The following CELF2 variants were observed in gnomAD, a reference collection of about 807,000 sequenced individuals.
The protein encoded by CELF2 is CUG triplet repeat RNA-binding protein 2.
A neutral mutation model predicts 62.6 loss-of-function variants in CELF2; 8 were observed. That is an observed-to-expected ratio of 0.13 (90% CI 0.07 to 0.23). The LOEUF (loss-of-function observed/expected upper bound fraction) is 0.23. Among genes scored for constraint, CELF2 ranks in the 10% least tolerant of loss-of-function variants. The pLI, the probability that CELF2 is intolerant of heterozygous loss-of-function variation, is 1.00. For synonymous variants in CELF2, 258 were observed against 250.0 expected, an observed-to-expected ratio of 1.03 and a Z score of -0.30; for missense variants, 333 against 671.0, an observed-to-expected ratio of 0.50 and a Z score of 5.56.
At chr10:10,549,158 T>C in the CELF2 span, among the ~76,000 whole-genome samples, 1 of 152,204 alleles carries the variant, frequency 6.6e-6, no homozygotes, top group South Asian at 2.1e-4. Flanking sequence ...TGTGGTAAAC[T>C]AGTTTGCTTG....
In CELF2 at chr10:11,280,977, C is replaced by T. The variant is rs917483543; in HGVS notation, c.841+5857C>T. On this transcript the variant is annotated intron_variant, in intron 8 of 12. Transcript: ENST00000633077. This position sits in a 1 kb window ranked among gnomAD's most constrained non-coding sequence, Gnocchi z 7.6. ...TGCTTCTGATGCTGGCGTGCGTGTG[C>T]ATGCCTGTGTGCGTGTGTGTGTGTG... Among the ~76,000 whole-genome samples the T allele has an allele frequency of 8.8e-5, 12 of 135,666 alleles. No individual in the cohort carries two copies. The highest frequency in any genetic ancestry group is 3.3e-4 in the African/African-American group (11 of 33,490). 89.0% of individuals were successfully genotyped at this position (135,666 alleles called of 152,430 possible).
the CELF2 span, among the ~76,000 whole-genome samples, chr10:10,561,634 G>A: frequency 6.6e-6 from 1 of 152,162 alleles, no homozygotes; most frequent in African/African-American, 2.4e-5. Flanking sequence ...TGGGACAGAT[G>A]GGGACAACAC....
chr10:10,723,801 A>G, the CELF2 span, among the ~76,000 whole-genome samples: 3 of 152,212 alleles, frequency 2.0e-5, no homozygotes, highest in African/African-American at 7.2e-5. Context: ...GCATTTTGAA[A>G]ATGATTTGTG....
At position 10,997,504 on chromosome 10, in the gene CELF2, C is replaced by CT. The variant is rs2054081501; in HGVS notation, c.89+77505_89+77506insT. Among the ~76,000 whole-genome samples the CT allele has an allele frequency of 1.3e-5, 2 of 152,074 alleles. No individual in the cohort carries two copies. Reference sequence around the variant, plus strand: ...TTGTGTGGTTTACTTCTTAGGATTCCCTAGAATCAAAACCACTAGGAAAGG... The same window carrying CT: ...TTGTGTGGTTTACTTCTTAGGATTCCTCTAGAATCAAAACCACTAGGAAAGG... On this transcript the variant is annotated intron_variant, in intron 2 of 13. Coordinates refer to the CELF2 transcript ENST00000636488. The surrounding 1 kb of genome is among the most constrained non-coding windows in gnomAD (Gnocchi z 5.3).
the CELF2 span, among the ~76,000 whole-genome samples, chr10:10,508,704 G>GTA: frequency 0.017 from 1,012 of 60,864 alleles, 10 homozygotes; most frequent in South Asian, 0.1. Context: ...GTGTGTGTGT[G>GTA]TATATTTTTT....
intron 3 of CELF2, among the ~76,000 whole-genome samples, chr10:11,240,811 A>C (rs1044640576): frequency 1.3e-5 from 2 of 152,196 alleles, no homozygotes; most frequent in Admixed American, 1.3e-4. Flanking sequence ...GTAGCGTGGA[A>C]GAGGGAAATT....
intron 2 of CELF2, among the ~76,000 whole-genome samples, chr10:11,212,679 G>A (rs370713035): frequency 3.7e-4 from 56 of 151,276 alleles, no homozygotes; most frequent in East Asian, 1.7e-3. Flanking sequence ...GTGAGGAGTC[G>A]TGGGAGGTGC....
chr10:10,774,559 C>G, the CELF2 span, among the ~76,000 whole-genome samples: 1 of 152,204 alleles, frequency 6.6e-6, no homozygotes, highest in African/African-American at 2.4e-5. Flanking sequence ...GCTCTCGCTC[C>G]TGCCATGTGA....
At chr10:11,122,634 C>T (rs1431680067) in intron 1 of CELF2, among the ~76,000 whole-genome samples, 1 of 152,176 alleles carries the variant, frequency 6.6e-6, no homozygotes, top group East Asian at 1.9e-4. Flanking sequence ...GTTCCTTTCC[C>T]CCTCCTTTTA....
At chr10:10,758,128 G>T in the CELF2 span, among the ~76,000 whole-genome samples, 1 of 152,212 alleles carries the variant, frequency 6.6e-6, no homozygotes, top group Admixed American at 6.5e-5. Flanking sequence ...TGTGTTGAGA[G>T]ATTTCAAATT....
the CELF2 span, among the ~76,000 whole-genome samples, chr10:10,753,297 C>CTGTGTGTGTGTGTG: frequency 1.4e-4 from 9 of 66,538 alleles, no homozygotes; most frequent in African/African-American, 4.9e-4. Flanking sequence ...ATTTCCAAAG[C>CTGTGTGTGTGTGTG]TCTGTGTGTG....
chr10:10,891,530 C>T (rs1403256846), intron 1 of CELF2, among the ~76,000 whole-genome samples: 2 of 151,786 alleles, frequency 1.3e-5, no homozygotes, highest in South Asian at 2.1e-4. Flanking sequence ...CTTGCAACAA[C>T]CCTGAGAGGT....
the CELF2 span, among the ~76,000 whole-genome samples, chr10:10,769,296 A>G: frequency 1.3e-5 from 2 of 152,278 alleles, no homozygotes; most frequent in African/African-American, 2.4e-5. Flanking sequence ...TGGTCCATCA[A>G]TGAATGATGG....
the CELF2 span, among the ~76,000 whole-genome samples, chr10:10,504,725 T>C: frequency 1.3e-5 from 2 of 152,110 alleles, no homozygotes; most frequent in African/African-American, 2.4e-5. Context: ...CCATGTTTTT[T>C]TTTCTTTTTT....
chr10:10,906,594 A>G (rs1000363502), intron 1 of CELF2, among the ~76,000 whole-genome samples: 3 of 152,228 alleles, frequency 2.0e-5, no homozygotes, highest in Admixed American at 1.3e-4. Context: ...ACCTGTCACA[A>G]TCCAGGGGGT....
intron 2 of CELF2, among the ~76,000 whole-genome samples, chr10:11,189,675 A>G (rs573434158): frequency 1.3e-5 from 2 of 152,238 alleles, no homozygotes; most frequent in African/African-American, 2.4e-5. Context: ...CTTTCAGGCC[A>G]TGAGCTGTTT....
intron 2 of CELF2, among the ~76,000 whole-genome samples, chr10:11,202,801 T>A (rs575410186): frequency 1.3e-5 from 2 of 151,940 alleles, no homozygotes; most frequent in East Asian, 3.9e-4. Flanking sequence ...AGCAGGAGAG[T>A]ACAGCAGAGG....
chr10:11,029,407 A>C (rs1691358385), intron 1 of CELF2, among the ~76,000 whole-genome samples: 1 of 152,230 alleles, frequency 6.6e-6, no homozygotes, highest in Non-Finnish European at 1.5e-5. Flanking sequence ...TAGATCAGAC[A>C]GCACAGATTC....
chr10:10,495,715 C>T, the CELF2 span, among the ~76,000 whole-genome samples: 1 of 152,162 alleles, frequency 6.6e-6, no homozygotes, highest in African/African-American at 2.4e-5. Context: ...GACCTTCTTG[C>T]CCAATGTTTA....
Sources: gnomAD v4.1 joint callset for allele counts (sites outside exome capture counted in the v4.1 genomes callset) on GRCh38, gnomAD v4.1.1 for gene constraint, Gnocchi (gnomAD v3.1) non-coding constraint, MANE v1.5 for transcripts, NCBI Gene and HGNC (gene_info 2026-07-23, HGNC 2026-07-21) for gene names.